Variants in SDK1 observed in about 807,000 individuals in gnomAD.
SDK1 encodes the protein sidekick cell adhesion molecule 1, also known as protein sidekick-1.
In SDK1, 157 loss-of-function variants were observed where a neutral mutation model predicts 245.5. The ratio of observed to expected loss-of-function variants is 0.64; its 90% CI spans 0.56 to 0.73. The LOEUF (loss-of-function observed/expected upper bound fraction) is 0.73, where lower values mean the gene tolerates loss of function less well. Ranked by LOEUF, SDK1 falls within the 30% of genes least tolerant of loss-of-function variation. The pLI is 0.00. For synonymous variants in SDK1, 1,647 were observed against 1,278.5 expected, an observed-to-expected ratio of 1.29 and a Z score of -6.15; for missense variants, 3,583 against 3,002.3, an observed-to-expected ratio of 1.19 and a Z score of -4.52.
rs913665376 is a variant in SDK1 at position 3,639,130 on chromosome 7, A to T, written c.565+20A>T. The T allele has an allele frequency of 1.4e-6, 2 of 1,394,604 alleles. No homozygotes were observed. Among genetic ancestry groups the T allele is most frequent in the Non-Finnish European group, 2.0e-6 (2 of 1,000,582 alleles). 86.4% of individuals were successfully genotyped at this position (1,394,604 alleles called of 1,614,324 possible). A position where few individuals can be genotyped will look rare whatever the true frequency, so the allele number is the denominator to read the frequency against. On this transcript the variant is annotated intron_variant, in intron 3 of 44. Transcript: ENST00000404826. ...TCGCATGTATGTGTACAGTAAGGAG[A>T]TGTCCAAATGTTAAAGAACAAAGTG...
intron 1 of SDK1, among the ~76,000 whole-genome samples, chr7:3,381,038 C>T (rs1164257643): frequency 6.6e-6 from 1 of 152,156 alleles, no homozygotes; most frequent in Non-Finnish European, 1.5e-5. Context: ...TGGTAGGCAA[C>T]TTGCTGTGTC....
rs561146049 is a variant in SDK1 at position 3,378,484 on chromosome 7, C to T, written c.298+76600C>T. ...ATTTTCTTCTGCTTACTGTATCAGC[C>T]ATGTACCCAGGGGTCAGGAGTGTAC... On this transcript the variant is annotated intron_variant, in intron 1 of 44. Coordinates refer to ENST00000404826, the MANE Select transcript of SDK1 (RefSeq NM_152744.4). Among the ~76,000 whole-genome samples, 164 of 152,248 alleles carry T rather than the reference C, an allele frequency of 1.1e-3. 1 individual carries two copies. Among genetic ancestry groups the T allele is most frequent in the African/African-American group, 3.8e-3 (156 of 41,534 alleles).
intron 5 of SDK1, among the ~76,000 whole-genome samples, chr7:3,947,075 C>T (rs1780606603): frequency 6.6e-6 from 1 of 152,210 alleles, no homozygotes; most frequent in Non-Finnish European, 1.5e-5. Flanking sequence ...TTCACACATC[C>T]TTCTCAAAAT....
intron 4 of SDK1, among the ~76,000 whole-genome samples, chr7:3,722,361 C>A (rs1778841033): frequency 1.3e-5 from 2 of 152,088 alleles, no homozygotes; most frequent in African/African-American, 4.8e-5. Flanking sequence ...AATCTCTCTC[C>A]CCTGGTATGG....
chr7:4,218,049 G>C (rs1380714739), intron 38 of SDK1, among the ~76,000 whole-genome samples: 1 of 152,194 alleles, frequency 6.6e-6, no homozygotes, highest in Admixed American at 6.5e-5. Flanking sequence ...TGGAAGGTCA[G>C]TGCTCACACA....
chr7:4,157,634 G>C (rs559880699), intron 30 of SDK1, among the ~76,000 whole-genome samples: 1 of 152,114 alleles, frequency 6.6e-6, no homozygotes, highest in Non-Finnish European at 1.5e-5. Flanking sequence ...GACGGGCTGG[G>C]GGTATTTTTC....
chr7:3,751,052 G>C (rs548569748), intron 4 of SDK1, among the ~76,000 whole-genome samples: 2 of 152,210 alleles, frequency 1.3e-5, no homozygotes, highest in South Asian at 4.2e-4. Context: ...ATACCTTCGA[G>C]CTCCACCCTG....
At chr7:3,722,470 G>A (rs982284168) in intron 4 of SDK1, among the ~76,000 whole-genome samples, 2 of 152,124 alleles carry the variant, frequency 1.3e-5, no homozygotes, top group Non-Finnish European at 2.9e-5. Flanking sequence ...GGCACTCACC[G>A]CAGGGGACAC....
At chr7:4,172,359 C>T (rs897187634) in intron 32 of SDK1, among the ~76,000 whole-genome samples, 5 of 152,176 alleles carry the variant, frequency 3.3e-5, no homozygotes, top group African/African-American at 4.8e-5. Flanking sequence ...GTGTTGAACG[C>T]GTGAGTGTTG....
intron 1 of SDK1, among the ~76,000 whole-genome samples, chr7:3,408,453 A>G (rs1181856456): frequency 6.6e-6 from 1 of 152,202 alleles, no homozygotes; most frequent in Non-Finnish European, 1.5e-5. Flanking sequence ...GGCTTTAATT[A>G]TTTTTAAATT....
At chr7:4,078,925 C>G (rs1020795870) in intron 21 of SDK1, among the ~76,000 whole-genome samples, 1 of 152,162 alleles carries the variant, frequency 6.6e-6, no homozygotes. Context: ...ATCCAAGAAG[C>G]CTAAGGCTCA....
intron 13 of SDK1, among the ~76,000 whole-genome samples, chr7:3,975,154 C>G (rs1340124043): frequency 1.3e-5 from 2 of 152,246 alleles, no homozygotes; most frequent in African/African-American, 4.8e-5. Context: ...TCCCTCCACT[C>G]CCCTCTCTAT....
intron 1 of SDK1, among the ~76,000 whole-genome samples, chr7:3,461,912 A>G (rs1364402168): frequency 6.6e-6 from 1 of 152,016 alleles, no homozygotes; most frequent in Non-Finnish European, 1.5e-5. Context: ...TGAATACCCA[A>G]CTTGTTGCTC....
At chr7:3,431,128 T>C (rs1330995376) in intron 1 of SDK1, among the ~76,000 whole-genome samples, 1 of 152,156 alleles carries the variant, frequency 6.6e-6, no homozygotes, top group Non-Finnish European at 1.5e-5. Flanking sequence ...CTCAAACTCC[T>C]GAGCTCAAGT....
At chr7:4,127,702 A>G (rs1336571446) in intron 26 of SDK1, among the ~76,000 whole-genome samples, 1 of 152,264 alleles carries the variant, frequency 6.6e-6, no homozygotes, top group Non-Finnish European at 1.5e-5. Context: ...CTATGACACA[A>G]ATGCCAAAAC....
At chr7:4,060,514 T>G (rs1779471403) in intron 19 of SDK1, among the ~76,000 whole-genome samples, 1 of 152,122 alleles carries the variant, frequency 6.6e-6, no homozygotes, top group Admixed American at 6.5e-5. Flanking sequence ...TAAATTTGTT[T>G]GAGTTCATTG....
chr7:3,810,462 A>G (rs1418466302), intron 4 of SDK1, among the ~76,000 whole-genome samples: 5 of 152,216 alleles, frequency 3.3e-5, no homozygotes, highest in Non-Finnish European at 7.3e-5. Context: ...CACACCAGGA[A>G]TTTGGCATAG....
chr7:3,564,610 C>G (rs983183185), intron 1 of SDK1, among the ~76,000 whole-genome samples: 5 of 151,632 alleles, frequency 3.3e-5, no homozygotes, highest in East Asian at 1.9e-4. Context: ...GGGGGAAAAG[C>G]TAAATAAAAT....
intron 19 of SDK1, among the ~76,000 whole-genome samples, chr7:4,063,622 T>C (rs1034534345): frequency 7.3e-6 from 1 of 137,590 alleles, no homozygotes; most frequent in African/African-American, 3.0e-5. Flanking sequence ...AAAAACCCCG[T>C]AAATTCTTGT....
Sources: allele counts gnomAD v4.1 joint callset (sites outside exome capture counted in the v4.1 genomes callset), GRCh38; gene constraint gnomAD v4.1.1; transcripts MANE v1.5; gene names NCBI Gene and HGNC (gene_info 2026-07-23, HGNC 2026-07-21).